SNTG2: variants seen among roughly 807,000 people sequenced by gnomAD.
SNTG2 encodes syntrophin gamma 2.
In SNTG2, 74 loss-of-function variants were observed where a neutral mutation model predicts 70.9. That is an observed-to-expected ratio of 1.04 (90% CI 0.86 to 1.27). The LOEUF (loss-of-function observed/expected upper bound fraction) is 1.27, where lower values mean the gene tolerates loss of function less well. Among genes scored for constraint, SNTG2 ranks in the 50% most tolerant of loss-of-function variants. The pLI, the probability that SNTG2 is intolerant of heterozygous loss-of-function variation, is 0.00. For synonymous variants in SNTG2, 278 were observed against 273.8 expected, an observed-to-expected ratio of 1.02 and a Z score of -0.15; for missense variants, 717 against 690.7, an observed-to-expected ratio of 1.04 and a Z score of -0.43.
At chr2:1,068,993 A>G (rs1236657762) in intron 1 of SNTG2, among the ~76,000 whole-genome samples, 1 of 152,244 alleles carries the variant, frequency 6.6e-6, no homozygotes, top group Non-Finnish European at 1.5e-5. Flanking sequence ...AAGGCTGAGT[A>G]AAAATGTGCA....
chr2:1,154,505 T>C (rs949626777), intron 6 of SNTG2, among the ~76,000 whole-genome samples: 3 of 152,098 alleles, frequency 2.0e-5, no homozygotes, highest in Non-Finnish European at 4.4e-5. Flanking sequence ...AAGGAGCAAG[T>C]GTGACAGACA....
chr2:1,126,193 A>G, intron 4 of SNTG2, among the ~76,000 whole-genome samples: 1 of 152,050 alleles, frequency 6.6e-6, no homozygotes, highest in Non-Finnish European at 1.5e-5. Flanking sequence ...TCTACTCCTT[A>G]GTTCTATGAG....
At chr2:1,071,037 C>G (rs1663503032) in intron 1 of SNTG2, among the ~76,000 whole-genome samples, 1 of 152,186 alleles carries the variant, frequency 6.6e-6, no homozygotes, top group Non-Finnish European at 1.5e-5. Context: ...ACACTCGACG[C>G]AGGCAGTGGG....
chr2:1,270,567 G>A (rs144861585), intron 14 of SNTG2, among the ~76,000 whole-genome samples: 46,416 of 151,844 alleles, frequency 0.31, 7,998 homozygotes, highest in African/African-American at 0.47. Flanking sequence ...CAGGATCTAC[G>A]CAAGATTTCA....
At chr2:1,276,521 A>C (rs1275871379) in intron 14 of SNTG2, among the ~76,000 whole-genome samples, 1 of 152,234 alleles carries the variant, frequency 6.6e-6, no homozygotes. Flanking sequence ...TTTTAAGCCC[A>C]CTGTTGAGAC....
intron 16 of SNTG2, among the ~76,000 whole-genome samples, chr2:1,338,301 A>G (rs1659918249): frequency 1.3e-5 from 2 of 152,220 alleles, no homozygotes; most frequent in African/African-American, 2.4e-5. Flanking sequence ...CCTTAATAAC[A>G]TTATGCCTTC....
At chr2:1,098,762 G>A (rs556466273) in intron 4 of SNTG2, among the ~76,000 whole-genome samples, 3 of 152,302 alleles carry the variant, frequency 2.0e-5, no homozygotes, top group Non-Finnish European at 2.9e-5. Flanking sequence ...CATGGTGTTC[G>A]TTGAAGTATC....
intron 1 of SNTG2, among the ~76,000 whole-genome samples, chr2:1,064,436 T>G (rs1049202933): frequency 2.7e-5 from 4 of 150,790 alleles, no homozygotes; most frequent in Admixed American, 2.6e-4. Flanking sequence ...ATTATATATA[T>G]GTATATATAC....
intron 4 of SNTG2, among the ~76,000 whole-genome samples, chr2:1,115,123 C>A (rs529607091): frequency 7.5e-5 from 10 of 133,800 alleles, no homozygotes; most frequent in Non-Finnish European, 1.6e-4. Context: ...TGTACTAAAT[C>A]AGGTTTAACC....
At chr2:1,312,825 A>G (rs1681073128) in intron 15 of SNTG2, among the ~76,000 whole-genome samples, 1 of 152,180 alleles carries the variant, frequency 6.6e-6, no homozygotes, top group South Asian at 2.1e-4. Flanking sequence ...GGGCTGAGTT[A>G]AGGTTGATGG....
chr2:1,153,934 G>A (rs988558228), intron 6 of SNTG2, among the ~76,000 whole-genome samples: 2 of 152,190 alleles, frequency 1.3e-5, no homozygotes, highest in Non-Finnish European at 2.9e-5. Flanking sequence ...TGGCTTCTGG[G>A]TGGAGATGTG....
chr2:1,215,062 G>C (rs28812552), intron 9 of SNTG2, among the ~76,000 whole-genome samples: 27,602 of 152,146 alleles, frequency 0.18, 4,966 homozygotes, highest in African/African-American at 0.47. Flanking sequence ...GTTGAACCAT[G>C]CTTGCATCCA....
chr2:1,161,850 G>A (rs901469052), intron 6 of SNTG2, among the ~76,000 whole-genome samples: 3 of 151,958 alleles, frequency 2.0e-5, no homozygotes, highest in Admixed American at 6.6e-5. Context: ...CGAGGCGGGC[G>A]GATCACGAGG....
chr2:1,048,817 C>T (rs1294362973), intron 1 of SNTG2, among the ~76,000 whole-genome samples: 1 of 152,070 alleles, frequency 6.6e-6, no homozygotes, highest in Admixed American at 6.6e-5. Flanking sequence ...TGTACCACAC[C>T]TTTTGTAAAC....
chr2:1,128,285 G>A (rs1362243941), intron 4 of SNTG2, among the ~76,000 whole-genome samples: 2 of 151,812 alleles, frequency 1.3e-5, no homozygotes, highest in Non-Finnish European at 2.9e-5. Flanking sequence ...ATTATATCTC[G>A]AGTCTATTCA....
intron 1 of SNTG2, among the ~76,000 whole-genome samples, chr2:965,329 AATCCTCCTCCT>A (rs1210821747): frequency 2.0e-4 from 22 of 111,586 alleles, no homozygotes; most frequent in African/African-American, 7.5e-4. Context: ...CTTGGACCCC[AATCCTCCTCCT>A]GGTCCCCAGT....
At chr2:998,739 C>G (rs1340315551) in intron 1 of SNTG2, among the ~76,000 whole-genome samples, 1 of 151,844 alleles carries the variant, frequency 6.6e-6, no homozygotes. Context: ...AAATAAATTC[C>G]CTCATCTTGC....
chr2:1,301,529 C>T (rs1680454946), intron 14 of SNTG2, among the ~76,000 whole-genome samples: 1 of 152,128 alleles, frequency 6.6e-6, no homozygotes, highest in African/African-American at 2.4e-5. Context: ...ATTCCATACC[C>T]AGATCCTTAC....
At chr2:1,011,980 A>G (rs1659741308) in intron 1 of SNTG2, among the ~76,000 whole-genome samples, 1 of 152,250 alleles carries the variant, frequency 6.6e-6, no homozygotes, top group Non-Finnish European at 1.5e-5. Flanking sequence ...ATATAGACAA[A>G]GATGGCATAT....
Sources: allele counts gnomAD v4.1 joint callset (sites outside exome capture counted in the v4.1 genomes callset), GRCh38; gene constraint gnomAD v4.1.1; transcripts MANE v1.5; gene names NCBI Gene and HGNC (gene_info 2026-07-23, HGNC 2026-07-21).